Variants in RAP1A observed in about 807,000 individuals in gnomAD.
RAP1A encodes RAP1A, member of RAS oncogene family, also known as ras-related protein Rap-1A.
In RAP1A, 6 loss-of-function variants were observed where a neutral mutation model predicts 26.4. The observed-to-expected ratio is 0.23, with a 90% CI of 0.12 to 0.45. RAP1A has a LOEUF of 0.45. Ranked by LOEUF, RAP1A falls within the 20% of genes least tolerant of loss-of-function variation. RAP1A has a pLI of 0.99. For missense variants in RAP1A, 121 were observed against 217.2 expected (o/e 0.56, Z 2.78); for synonymous variants, 73 against 79.4 (o/e 0.92, Z 0.43).
chr1:111,623,742 T>A (rs1417453018), intron 1 of RAP1A, among the ~76,000 whole-genome samples: 1 of 152,204 alleles, frequency 6.6e-6, no homozygotes, highest in Non-Finnish European at 1.5e-5. Flanking sequence ...ATTTGGTTTA[T>A]AGGGGATGAC....
chr1:111,704,487 G>T lies in RAP1A; in HGVS notation c.468+1G>T. 6.2e-7 allele frequency: 1 copy of T among 1,611,380 alleles called. No homozygotes were observed. Among genetic ancestry groups the T allele is most frequent in the Non-Finnish European group, 8.5e-7 (1 of 1,178,410 alleles). ...AAAGTCAAAGATCAATGTTAATGAG[G>T]TAACCTACAACTGCTGGGCAGCACA... On this transcript the variant is annotated splice_donor_variant, in intron 6 of 7. Coordinates refer to ENST00000369709, the MANE Select transcript of RAP1A (RefSeq NM_002884.4). LOFTEE classifies it high-confidence loss of function.
Position 111,716,445 on chromosome 1 carries a change from TGGA to T in RAP1A, c.*4047_*4049del, listed in dbSNP as rs565673753. The T allele has an allele frequency of 3.9e-4, 59 of 152,342 alleles. No homozygotes were observed. Among genetic ancestry groups the T allele is most frequent in the African/African-American group, 1.4e-3 (59 of 41,576 alleles). 9.4% of individuals were successfully genotyped at this position (152,342 alleles called of 1,614,324 possible). On this transcript the variant is annotated 3_prime_UTR_variant, in exon 8 of 8. Transcript: ENST00000369709. ...CTTAAATATTCTTGTTGAGAACAGC[TGGA>T]GGCTTTGACTGGGTTCCTAGTTCTG...
chr1:111,705,991 A>C (rs556322833), intron 6 of RAP1A, among the ~76,000 whole-genome samples: 10 of 152,304 alleles, frequency 6.6e-5, no homozygotes, highest in African/African-American at 2.4e-4. Context: ...AGGACAGTAC[A>C]CTACATGTTT....
chr1:111,705,689 C>T (rs926595289), intron 6 of RAP1A, among the ~76,000 whole-genome samples: 14 of 152,146 alleles, frequency 9.2e-5, no homozygotes, highest in African/African-American at 3.1e-4. Flanking sequence ...AGACACTATT[C>T]CTGCCCTGAA....
chr1:111,703,392 A>C lies in RAP1A; in HGVS notation c.240A>C (p.Leu80=). 1 of 1,604,008 alleles carries C rather than the reference A, an allele frequency of 6.2e-7. No homozygotes were observed. The highest frequency in any genetic ancestry group is 1.1e-5 in the South Asian group (1 of 90,174). The change falls in exon 5 of 8, where the codon CTA becomes CTC. Residue 80 remains leucine, a synonymous_variant. Coordinates refer to ENST00000369709, the MANE Select transcript of RAP1A (RefSeq NM_002884.4). ...TGAAGAACGGCCAAGGTTTTGCACT[A>C]GTATATTCTATTACAGCTCAGTCCA... The part of the protein sequence containing the change: ...LYMKNGQGFA[L]VYSITAQSTF...
chr1:111,689,594 C>T (rs977336470), intron 1 of RAP1A, among the ~76,000 whole-genome samples: 2 of 152,038 alleles, frequency 1.3e-5, no homozygotes, highest in South Asian at 2.1e-4. Context: ...TTATAATAGC[C>T]GTTTTAGAGT....
chr1:111,657,591 T>C (rs1045156720), intron 1 of RAP1A, among the ~76,000 whole-genome samples: 1 of 152,184 alleles, frequency 6.6e-6, no homozygotes, highest in African/African-American at 2.4e-5. Flanking sequence ...ATGGTTTTGC[T>C]CTCTCACATT....
intron 7 of RAP1A, among the ~76,000 whole-genome samples, chr1:111,712,211 ACTC>A (rs1251541271): frequency 6.6e-6 from 1 of 152,034 alleles, no homozygotes; most frequent in African/African-American, 2.4e-5. Context: ...TCAGTTATAG[ACTC>A]CTCTTGTAAA....
At chr1:111,638,889 A>AT (rs1415782403) in intron 1 of RAP1A, among the ~76,000 whole-genome samples, 8 of 151,342 alleles carry the variant, frequency 5.3e-5, no homozygotes, top group African/African-American at 1.7e-4. Context: ...TAAGACAAGT[A>AT]TATGTATTTT....
chr1:111,619,390 C>G (rs1414027306), upstream of RAP1A, among the ~76,000 whole-genome samples: 1 of 152,204 alleles, frequency 6.6e-6, no homozygotes, highest in African/African-American at 2.4e-5. Context: ...CTCTCTCACT[C>G]CACCAGCATG....
intron 1 of RAP1A, among the ~76,000 whole-genome samples, chr1:111,670,139 A>G (rs554867856): frequency 2.6e-5 from 4 of 152,150 alleles, no homozygotes; most frequent in Non-Finnish European, 5.9e-5. Flanking sequence ...AGGTAGAAGG[A>G]AAGTGACCCC....
intron 1 of RAP1A, among the ~76,000 whole-genome samples, chr1:111,682,954 C>T (rs1009024702): frequency 4.6e-5 from 7 of 151,990 alleles, no homozygotes; most frequent in Non-Finnish European, 5.9e-5. Flanking sequence ...TGTAAAGGAA[C>T]GGAAATAATA....
intron 1 of RAP1A, among the ~76,000 whole-genome samples, chr1:111,567,340 T>G (rs1657943618): frequency 1.3e-5 from 2 of 152,240 alleles, no homozygotes; most frequent in Admixed American, 6.5e-5. Flanking sequence ...GAAAATAGGT[T>G]TTGGATAATA....
intron 1 of RAP1A, among the ~76,000 whole-genome samples, chr1:111,657,533 A>T (rs930210405): frequency 6.6e-6 from 1 of 152,150 alleles, no homozygotes; most frequent in African/African-American, 2.4e-5. Flanking sequence ...ATCATTGCCA[A>T]ATCCATTGTC....
Position 111,653,077 on chromosome 1 carries a change from A to C in RAP1A, c.-28+33143A>C, listed in dbSNP as rs371666517. Among the ~76,000 whole-genome samples the C allele has an allele frequency of 1.5e-3, 236 of 152,374 alleles. 2 individuals carry two copies. Among genetic ancestry groups the C allele is most frequent in the African/African-American group, 5.4e-3 (223 of 41,586 alleles). On this transcript the variant is annotated intron_variant, in intron 1 of 7. Coordinates refer to ENST00000369709, the MANE Select transcript of RAP1A (RefSeq NM_002884.4). ...CCATACAATGGAATATGATTTAGCCATAAAAAGGAATGAAATACTGACACA... is the reference window on the plus strand; with the variant it reads ...CCATACAATGGAATATGATTTAGCCCTAAAAAGGAATGAAATACTGACACA...
chr1:111,568,376 G>A (rs1312204250), intron 1 of RAP1A, among the ~76,000 whole-genome samples: 10 of 152,104 alleles, frequency 6.6e-5, no homozygotes, highest in South Asian at 2.1e-4. Flanking sequence ...GAACCCACAC[G>A]TGGTGGGGAG....
At chr1:111,709,678 C>T (rs911879490) in intron 7 of RAP1A, among the ~76,000 whole-genome samples, 1 of 152,188 alleles carries the variant, frequency 6.6e-6, no homozygotes, top group Non-Finnish European at 1.5e-5. Context: ...AAGAGTCACC[C>T]TTCCCCAAAT....
intron 7 of RAP1A, among the ~76,000 whole-genome samples, chr1:111,711,545 GT>G (rs1662385802): frequency 6.6e-6 from 1 of 152,150 alleles, no homozygotes; most frequent in South Asian, 2.1e-4. Context: ...GTGTGATAAA[GT>G]TTACTTAATA....
chr1:111,553,779 C>A (rs1657370999), intron 1 of RAP1A, among the ~76,000 whole-genome samples: 1 of 152,184 alleles, frequency 6.6e-6, no homozygotes. Context: ...CCTTTCCTTT[C>A]CCCTTTTTTC....
Sources: allele counts gnomAD v4.1 joint callset (sites outside exome capture counted in the v4.1 genomes callset), GRCh38; gene constraint gnomAD v4.1.1; transcripts MANE v1.5; gene names NCBI Gene and HGNC (gene_info 2026-07-23, HGNC 2026-07-21).